The following CNBD1 variants were observed in gnomAD, a reference collection of about 807,000 sequenced individuals.
The protein encoded by CNBD1 is cyclic nucleotide binding domain containing 1.
CNBD1 carries 71 observed loss-of-function variants against 54.4 expected under a neutral mutation model. The observed-to-expected ratio is 1.30, with a 90% CI of 1.08 to 1.59. The LOEUF (loss-of-function observed/expected upper bound fraction) is 1.59, where lower values mean the gene tolerates loss of function less well. Ranked by LOEUF, CNBD1 falls within the 40% of genes most tolerant of loss-of-function variation. The pLI is 0.00. For synonymous variants in CNBD1, 182 were observed against 170.7 expected (o/e 1.07, Z -0.51); for missense variants, 659 against 518.0 (o/e 1.27, Z -2.64).
At chr8:87,079,512 TA>T (rs1376040282) in intron 4 of CNBD1, among the ~76,000 whole-genome samples, 1 of 152,166 alleles carries the variant, frequency 6.6e-6, no homozygotes, top group East Asian at 1.9e-4. Context: ...ATAGCTATTC[TA>T]ATAAATGTGT....
At chr8:87,418,742 T>A (rs951249215) in intron 2 of CNBD1, among the ~76,000 whole-genome samples, 3 of 151,892 alleles carry the variant, frequency 2.0e-5, no homozygotes, top group Non-Finnish European at 4.4e-5. Context: ...AAACAAGTCA[T>A]AAAACATTGT....
intron 10 of CNBD1, among the ~76,000 whole-genome samples, chr8:87,366,797 G>T (rs1303715425): frequency 2.0e-5 from 3 of 152,048 alleles, no homozygotes; most frequent in African/African-American, 7.2e-5. Flanking sequence ...AGGCAGCATG[G>T]GGTACTGGGG....
chr8:87,150,046 G>A (rs775929460), intron 4 of CNBD1, among the ~76,000 whole-genome samples: 5 of 151,882 alleles, frequency 3.3e-5, no homozygotes, highest in Non-Finnish European at 5.9e-5. Context: ...GCGTGGTGGC[G>A]GGCACCTGTA....
At chr8:87,013,482 CTG>C (rs1809266618) in intron 4 of CNBD1, among the ~76,000 whole-genome samples, 1 of 151,926 alleles carries the variant, frequency 6.6e-6, no homozygotes, top group African/African-American at 2.4e-5. Context: ...GACCTGCAAA[CTG>C]TAGAGTTTCT....
At chr8:87,328,476 G>A (rs1458595354) in intron 8 of CNBD1, among the ~76,000 whole-genome samples, 1 of 147,790 alleles carries the variant, frequency 6.8e-6, no homozygotes, top group Non-Finnish European at 1.5e-5. Context: ...ATATTTAATT[G>A]GCCTTTGTGC....
intron 2 of CNBD1, among the ~76,000 whole-genome samples, chr8:87,424,165 C>G (rs1291647159): frequency 6.6e-6 from 1 of 151,864 alleles, no homozygotes; most frequent in Non-Finnish European, 1.5e-5. Context: ...ACTCTTCTCC[C>G]TTTTTTCTTT....
At chr8:86,985,805 C>T (rs1216647489) in intron 4 of CNBD1, among the ~76,000 whole-genome samples, 1 of 152,214 alleles carries the variant, frequency 6.6e-6, no homozygotes, top group Non-Finnish European at 1.5e-5. Context: ...AACTAACTTG[C>T]ATTCCCACCA....
chr8:86,929,290 G>T (rs1809417685), intron 3 of CNBD1, among the ~76,000 whole-genome samples: 1 of 152,190 alleles, frequency 6.6e-6, no homozygotes, highest in Non-Finnish European at 1.5e-5. Flanking sequence ...CCATGGGCAT[G>T]TAGGATTAGA....
At chr8:87,238,530 C>G (rs556034101) in intron 6 of CNBD1, among the ~76,000 whole-genome samples, 1 of 152,128 alleles carries the variant, frequency 6.6e-6, no homozygotes. Flanking sequence ...TTTTACAGCT[C>G]CACTTCTCCA....
chr8:87,028,913 A>G (rs1385612120), intron 4 of CNBD1, among the ~76,000 whole-genome samples: 1 of 152,234 alleles, frequency 6.6e-6, no homozygotes, highest in Non-Finnish European at 1.5e-5. Flanking sequence ...AACAAGGTGT[A>G]CAAGGCTTCC....
At chr8:86,984,647 A>C (rs936782998) in intron 4 of CNBD1, among the ~76,000 whole-genome samples, 2 of 152,152 alleles carry the variant, frequency 1.3e-5, no homozygotes, top group Non-Finnish European at 2.9e-5. Flanking sequence ...AGATCATTTT[A>C]AAGCTTTAGG....
At chr8:87,292,454 T>C (rs1808805938) in intron 8 of CNBD1, among the ~76,000 whole-genome samples, 1 of 152,196 alleles carries the variant, frequency 6.6e-6, no homozygotes, top group Non-Finnish European at 1.5e-5. Flanking sequence ...TCAGTATGCA[T>C]GCGGCAAGCT....
intron 3 of CNBD1, among the ~76,000 whole-genome samples, chr8:86,930,025 T>C (rs4645575): frequency 0.53 from 80,914 of 151,860 alleles, 21,776 homozygotes; most frequent in South Asian, 0.6. Flanking sequence ...TACTTTAAGG[T>C]TTTGAAGGCT....
In CNBD1 at chr8:87,015,182, T is replaced by TG. The variant is rs1446390932; in HGVS notation, c.431+75433dup. ...TTTTATTACAAATATTGACTTTTTG[T>TG]GGGGGAGGGGGCGAACGGAGTCTTG... On this transcript the variant is annotated intron_variant, in intron 4 of 10. Transcript: ENST00000518476. Among the ~76,000 whole-genome samples the TG allele has an allele frequency of 1.4e-4, 21 of 152,230 alleles. No individual in the cohort carries two copies. In the East Asian group the frequency reaches 3.3e-3, roughly 24 times the overall value.
In CNBD1 at chr8:87,227,886, C is replaced by T. The variant is rs958284100; in HGVS notation, c.578-9033C>T. 8.6e-4 allele frequency among the ~76,000 whole-genome samples: 127 copies of T among 148,340 alleles called. 1 individual carries two copies. Among genetic ancestry groups the T allele is most frequent in the African/African-American group, 3.0e-3 (119 of 39,204 alleles). The stretch of plus-strand genomic sequence containing the variant: ...ATCACTTTCAGGTACACCAGTCAGA[C>T]GTAGATTTGGTCTTTTCACATAGTC... On this transcript the variant is annotated intron_variant, in intron 5 of 10. Coordinates refer to ENST00000518476, the MANE Select transcript of CNBD1 (RefSeq NM_173538.3).
chr8:87,372,881 G>C (rs1248703725), intron 10 of CNBD1, among the ~76,000 whole-genome samples: 1 of 151,704 alleles, frequency 6.6e-6, no homozygotes, highest in Non-Finnish European at 1.5e-5. Context: ...TGGGCTCCCA[G>C]GAAGAGCATT....
intron 3 of CNBD1, among the ~76,000 whole-genome samples, chr8:86,909,981 C>T (rs1410749733): frequency 6.6e-6 from 1 of 152,088 alleles, no homozygotes; most frequent in Non-Finnish European, 1.5e-5. Context: ...GGTCCTTGCT[C>T]CTCTAGAGTT....
intron 4 of CNBD1, among the ~76,000 whole-genome samples, chr8:87,076,969 G>A (rs1810885939): frequency 6.6e-6 from 1 of 152,118 alleles, no homozygotes. Flanking sequence ...TGACTTTGTT[G>A]ACATTAAAAA....
chr8:87,316,366 TG>T (rs1809386139), intron 8 of CNBD1, among the ~76,000 whole-genome samples: 1 of 152,070 alleles, frequency 6.6e-6, no homozygotes, highest in South Asian at 2.1e-4. Context: ...TTCCATTTTT[TG>T]CTTATCACAC....
Sources: gnomAD v4.1 joint callset for allele counts (sites outside exome capture counted in the v4.1 genomes callset) on GRCh38, gnomAD v4.1.1 for gene constraint, MANE v1.5 for transcripts, NCBI Gene and HGNC (gene_info 2026-07-23, HGNC 2026-07-21) for gene names.